Variants in SCML4 observed in about 807,000 individuals in gnomAD.
SCML4 encodes Scm polycomb group protein like 4.
SCML4 carries 34 observed loss-of-function variants against 41.1 expected under a neutral mutation model. The observed-to-expected ratio is 0.83, with a 90% CI of 0.63 to 1.10. The LOEUF is 1.10. SCML4 is among the 50% of genes least tolerant of loss of function. The pLI is 0.00. For synonymous variants in SCML4, 214 were observed against 220.9 expected (o/e 0.97, Z 0.28); for missense variants, 522 against 534.1 (o/e 0.98, Z 0.22).
At chr6:107,752,132 T>C (rs1385824645) in intron 2 of SCML4, among the ~76,000 whole-genome samples, 1 of 152,086 alleles carries the variant, frequency 6.6e-6, no homozygotes, top group Non-Finnish European at 1.5e-5. Flanking sequence ...ATGTGGTATA[T>C]GAGAGAAAGA....
At chr6:107,799,420 G>C (rs916218806) in intron 1 of SCML4, among the ~76,000 whole-genome samples, 2 of 151,980 alleles carry the variant, frequency 1.3e-5, no homozygotes, top group Non-Finnish European at 2.9e-5. Flanking sequence ...ATCTTTTATT[G>C]ATCTCTTACT....
chr6:107,787,451 A>G (rs1312795005), intron 1 of SCML4, among the ~76,000 whole-genome samples: 1 of 152,196 alleles, frequency 6.6e-6, no homozygotes, highest in African/African-American at 2.4e-5. Context: ...CTTAGAATGC[A>G]GCTACACACA....
chr6:107,746,500 C>T (rs1367998600), intron 4 of SCML4, 189 bp downstream of exon 4: 3 of 505,178 alleles, frequency 5.9e-6, no homozygotes, highest in South Asian at 3.3e-5. Context: ...TCTTCTTACC[C>T]GGGCATGGAA....
chr6:107,712,569 G>T (rs558799702), intron 6 of SCML4, among the ~76,000 whole-genome samples: 11 of 152,288 alleles, frequency 7.2e-5, no homozygotes, highest in African/African-American at 2.4e-4. Context: ...TGGAGCAGAG[G>T]CAGCAGGGGC....
intron 2 of SCML4, among the ~76,000 whole-genome samples, chr6:107,762,147 T>A (rs562731278): frequency 7.9e-5 from 12 of 152,326 alleles, no homozygotes; most frequent in African/African-American, 2.9e-4. Context: ...CCTTGTATTA[T>A]TTAGGAAGAA....
chr6:107,767,920 A>C (rs1201995789), intron 2 of SCML4, among the ~76,000 whole-genome samples: 3 of 152,032 alleles, frequency 2.0e-5, no homozygotes, highest in Non-Finnish European at 4.4e-5. Context: ...GGACAGTGGG[A>C]CCTGGAGCAG....
chr6:107,831,411 C>CCAAAAAAAAAAAAAAAAA, the SCML4 span, among the ~76,000 whole-genome samples: 1 of 107,504 alleles, frequency 9.3e-6, no homozygotes, highest in Non-Finnish European at 1.8e-5. Flanking sequence ...TTTTCATTCT[C>CCAAAAAAAAAAAAAAAAA]AAAAAAAAAA....
chr6:107,789,035 G>T lies in SCML4; in HGVS notation c.-59-16649C>A, dbSNP rs116983755. Among the ~76,000 whole-genome samples the T allele has an allele frequency of 2.2e-3, 341 of 152,300 alleles. 1 individual carries two copies. Among genetic ancestry groups the T allele is most frequent in the Non-Finnish European group, 3.4e-3 (228 of 68,024 alleles). The stretch of plus-strand genomic sequence containing the variant: ...TCCTGATAGGCACAGTCCCAGCGTT[G>T]CTCCACCAGGGACACTGTGGGCAGG... On this transcript the variant is annotated intron_variant, in intron 1 of 7. Transcript: ENST00000369020.
intron 1 of SCML4, among the ~76,000 whole-genome samples, chr6:107,803,359 A>G (rs1208646156): frequency 5.3e-5 from 8 of 150,574 alleles, no homozygotes; most frequent in Admixed American, 1.3e-4. Flanking sequence ...CCCGGCAGCC[A>G]CCCCGTCTGG....
the SCML4 span, among the ~76,000 whole-genome samples, chr6:107,842,006 G>A: frequency 1.3e-5 from 2 of 151,998 alleles, no homozygotes; most frequent in Non-Finnish European, 1.5e-5. Context: ...CTTATGGTAG[G>A]AGCTTAGTTT....
At chr6:107,817,339 C>T (rs1264043361) in intron 1 of SCML4, among the ~76,000 whole-genome samples, 1 of 152,112 alleles carries the variant, frequency 6.6e-6, no homozygotes, top group East Asian at 1.9e-4. Context: ...TTTTCTAGGC[C>T]AGGTGCAATG....
At chr6:107,843,648 T>C in the SCML4 span, among the ~76,000 whole-genome samples, 1 of 152,154 alleles carries the variant, frequency 6.6e-6, no homozygotes, top group African/African-American at 2.4e-5. Flanking sequence ...TGTGCTGTCA[T>C]CGCCCACAGG....
Position 107,744,993 on chromosome 6 carries a change from G to A in SCML4, c.638C>T (p.Ala213Val). 1 of 1,613,602 alleles carries A rather than the reference G, an allele frequency of 6.2e-7. No homozygotes were observed. Among genetic ancestry groups the A allele is most frequent in the Non-Finnish European group, 8.5e-7 (1 of 1,179,754 alleles). The change falls in exon 5 of 8, where the codon GCC (alanine) becomes GTC (valine). Residue 213 changes from alanine (A) to valine (V), a missense_variant. Ala to Val is a moderately conservative substitution (Grantham distance 64). Coordinates refer to ENST00000369020, the MANE Select transcript of SCML4 (RefSeq NM_198081.5). The stretch of plus-strand genomic sequence containing the variant: ...CTCTTTCTCCTGGACTTTCTCAGAG[G>A]CACTGCAGCCCCTGGGGAAGGGCTG... ...SHQPFPRGCS[A>V]SEKVQEKEEG...
chr6:107,720,901 C>T lies in SCML4; in HGVS notation c.775G>A (p.Gly259Ser), dbSNP rs1775332084. Residue 259 changes from glycine (G) to serine (S), a missense_variant, in exon 6 of 8, where the codon GGC becomes AGC. Physicochemically the swap from Gly to Ser is moderately conservative, Grantham distance 56. Transcript: ENST00000369020. ...DTSASTFNHR[G>S]SLHPSSSLYC... Reference sequence around the variant, plus strand: ...AGCGAGGAGGAGGGGTGCAAGGAGCCCCTGTGGTTAAAGGTGGAGGCGGAG... The same window carrying T: ...AGCGAGGAGGAGGGGTGCAAGGAGCTCCTGTGGTTAAAGGTGGAGGCGGAG... 3 of 1,613,992 alleles carry T rather than the reference C, an allele frequency of 1.9e-6. No individual in the cohort carries two copies. Among genetic ancestry groups the T allele is most frequent in the Admixed American group, 3.3e-5 (2 of 60,006 alleles).
At chr6:107,754,628 G>C (rs1778956408) in intron 2 of SCML4, among the ~76,000 whole-genome samples, 1 of 152,046 alleles carries the variant, frequency 6.6e-6, no homozygotes, top group South Asian at 2.1e-4. Context: ...ATGCTCACTG[G>C]GGAAAAATGG....
upstream of SCML4, among the ~76,000 whole-genome samples, chr6:107,825,414 T>G (rs72935368): frequency 6.6e-6 from 1 of 152,032 alleles, no homozygotes; most frequent in Non-Finnish European, 1.5e-5. Context: ...ATGTGTAGAG[T>G]CACATTAGAA....
At chr6:107,715,746 G>C (rs1329619094) in intron 6 of SCML4, among the ~76,000 whole-genome samples, 1 of 152,222 alleles carries the variant, frequency 6.6e-6, no homozygotes, top group East Asian at 1.9e-4. Flanking sequence ...AGTACCGCCA[G>C]AGAGAGAAGG....
Position 107,740,958 on chromosome 6 carries a change from A to C in SCML4, c.682+3991T>G, listed in dbSNP as rs1032373543. ...AGGTTAGCGAGCTATGGGAGGAGGCAATAACAAAAGGGGGAAGGTTGGGGG... is the reference window on the plus strand; with the variant it reads ...AGGTTAGCGAGCTATGGGAGGAGGCCATAACAAAAGGGGGAAGGTTGGGGG... On this transcript the variant is annotated intron_variant, in intron 5 of 7. Coordinates refer to ENST00000369020, the MANE Select transcript of SCML4 (RefSeq NM_198081.5). 6.6e-5 allele frequency among the ~76,000 whole-genome samples: 10 copies of C among 152,282 alleles called. 1 individual carries two copies. The East Asian group carries it at 1.9e-3, about 29-fold the overall frequency.
chr6:107,735,573 T>G (rs1204325001), intron 5 of SCML4, among the ~76,000 whole-genome samples: 1 of 151,538 alleles, frequency 6.6e-6, no homozygotes, highest in Non-Finnish European at 1.5e-5. Context: ...CTGAGGCAGG[T>G]GAATTACTTG....
Sources: allele counts gnomAD v4.1 joint callset (sites outside exome capture counted in the v4.1 genomes callset), GRCh38; gene constraint gnomAD v4.1.1; transcripts MANE v1.5; gene names NCBI Gene and HGNC (gene_info 2026-07-23, HGNC 2026-07-21).